RICTOR: variants seen among roughly 807,000 people sequenced by gnomAD.
The protein encoded by RICTOR is rapamycin-insensitive companion of mTOR.
Under a neutral mutation model 214.9 loss-of-function variants are expected in RICTOR, and 49 were observed. That is an observed-to-expected ratio of 0.23 (90% CI 0.18 to 0.29). The LOEUF is 0.29. Among genes scored for constraint, RICTOR ranks in the 10% least tolerant of loss-of-function variants. The pLI is 1.00. For synonymous variants in RICTOR, 717 were observed against 711.3 expected (o/e 1.01, Z -0.13); for missense variants, 1,625 against 2,047.0 (o/e 0.79, Z 3.98).
At chr5:39,049,982 T>A (rs1757737621) in intron 2 of RICTOR, among the ~76,000 whole-genome samples, 1 of 152,110 alleles carries the variant, frequency 6.6e-6, no homozygotes, top group South Asian at 2.1e-4. Flanking sequence ...ACCCAAGGAC[T>A]GACACTTTTC....
chr5:38,944,973 T>C lies in RICTOR; in HGVS notation c.4729A>G (p.Ser1577Gly). 6.2e-7 allele frequency: 1 copy of C among 1,613,970 alleles called. No homozygotes were observed. The highest frequency in any genetic ancestry group is 8.5e-7 in the Non-Finnish European group (1 of 1,179,870). ...GAGCCTTCTTGAGACACCCCATCAC[T>C]GCATCCAGAAATCCCCGAAAACTTA... The part of the protein sequence containing the change: ...PSKFSGISGC[S>G]DGVSQEGSAS... Residue 1577 changes from serine (S) to glycine (G), a missense_variant, in exon 35 of 38, where the codon AGT becomes GGT. By Grantham distance (56) the Ser-to-Gly change is moderately conservative. Coordinates refer to ENST00000357387, the MANE Select transcript of RICTOR (RefSeq NM_152756.5).
chr5:39,056,659 T>TA lies in RICTOR; in HGVS notation c.97+17451dup, dbSNP rs113104496. ...CTCAAAAAAGAAAAGGCAAAACGAT[T>TA]AAAAAAAAAAAATGACAAGTGACAG... On this transcript the variant is annotated intron_variant, in intron 2 of 37. Transcript: ENST00000357387. Among the ~76,000 whole-genome samples, 638 of 143,332 alleles carry TA rather than the reference T, an allele frequency of 4.5e-3. 9 individuals are homozygous for TA. The highest frequency in any genetic ancestry group is 0.015 in the African/African-American group (589 of 39,082). 94.0% of individuals were successfully genotyped at this position (143,332 alleles called of 152,430 possible).
chr5:39,029,030 C>A (rs1756073130), intron 2 of RICTOR, among the ~76,000 whole-genome samples: 1 of 151,966 alleles, frequency 6.6e-6, no homozygotes, highest in Non-Finnish European at 1.5e-5. Flanking sequence ...GTATGCAATG[C>A]AAATATAAGC....
At chr5:38,999,926 TA>T (rs1160704428) in intron 5 of RICTOR, among the ~76,000 whole-genome samples, 1 of 151,870 alleles carries the variant, frequency 6.6e-6, no homozygotes, top group South Asian at 2.1e-4. Flanking sequence ...AAAAGGATGG[TA>T]AAAGGTATAC....
At chr5:39,039,739 G>A (rs1757025956) in intron 2 of RICTOR, among the ~76,000 whole-genome samples, 1 of 152,214 alleles carries the variant, frequency 6.6e-6, no homozygotes. Context: ...CTGGCCATCA[G>A]AGAAATGCAA....
Position 38,960,446 on chromosome 5 carries a change from G to A in RICTOR, c.1803C>T (p.Leu601=). The A allele has an allele frequency of 1.2e-6, 2 of 1,613,900 alleles. No individual in the cohort carries two copies. The highest frequency in any genetic ancestry group is 1.7e-6 in the Non-Finnish European group (2 of 1,179,812). The change falls in exon 20 of 38, where the codon CTC becomes CTT. Residue 601 remains leucine (L), a synonymous_variant. Transcript: ENST00000357387. ...CTGTAAACTGGCAACCTACAACCGT[G>A]AGCTGTTTGGCCTTGGCAAAATCCA... The part of the protein sequence containing the change: ...LDLDFAKAKQ[L]TVVGCQFTEF...
At chr5:38,951,208 T>G (rs1235222112) in intron 30 of RICTOR, among the ~76,000 whole-genome samples, 1 of 151,950 alleles carries the variant, frequency 6.6e-6, no homozygotes, top group African/African-American at 2.4e-5. Flanking sequence ...TAAATTATGT[T>G]TATTTCTCAT....
intron 2 of RICTOR, among the ~76,000 whole-genome samples, chr5:39,071,438 T>G (rs537643873): frequency 6.6e-6 from 1 of 152,348 alleles, no homozygotes; most frequent in South Asian, 2.1e-4. Flanking sequence ...ATGTGAGTTT[T>G]AAAACTGTGA....
intron 10 of RICTOR, 27 bp downstream of exon 10, chr5:38,975,510 G>A (rs764890598): frequency 2.4e-5 from 37 of 1,523,712 alleles, no homozygotes; most frequent in Non-Finnish European, 3.4e-5. Flanking sequence ...CTTCTTGGAT[G>A]TTATAAAGCA....
Position 38,940,795 on chromosome 5 carries a change from T to C in RICTOR, c.*1509A>G, listed in dbSNP as rs1054138493. The C allele has an allele frequency of 1.7e-5, 4 of 232,000 alleles. No homozygotes were observed. Among genetic ancestry groups the C allele is most frequent in the Non-Finnish European group, 2.6e-5 (3 of 117,334 alleles). 14.4% of individuals were successfully genotyped at this position (232,000 alleles called of 1,614,324 possible). ...TTTTTAAAAAAGTATCTCTGTGAGT[T>C]ATGTTTTCTAGTTCACAGGGTTCTT... is the stretch of plus-strand genomic sequence containing the variant. On this transcript the variant is annotated 3_prime_UTR_variant, in exon 38 of 38. Coordinates refer to ENST00000357387, the MANE Select transcript of RICTOR (RefSeq NM_152756.5).
At position 38,940,630 on chromosome 5, in the gene RICTOR, A is replaced by C; in HGVS notation, c.*1674T>G. On this transcript the variant is annotated 3_prime_UTR_variant, in exon 38 of 38. Coordinates refer to ENST00000357387, the MANE Select transcript of RICTOR (RefSeq NM_152756.5). ...CTTTTCAACATAAGCAGCAGCTTAC[A>C]GCCCTTATCTGCTTTGTTATAATGT... 1 of 232,926 alleles carries C rather than the reference A, an allele frequency of 4.3e-6. No homozygotes were observed. The highest frequency in any genetic ancestry group is 8.5e-6 in the Non-Finnish European group (1 of 117,608). 14.4% of individuals were successfully genotyped at this position (232,926 alleles called of 1,614,324 possible).
Position 38,974,198 on chromosome 5 carries a change from C to T in RICTOR, c.889+1339G>A, listed in dbSNP as rs182928836. Reference sequence around the variant, plus strand: ...CCGAGTAGCTGGGATTACAGGTGCCCGCCACCACACCTGGCTAATTTTTGT... The same window carrying T: ...CCGAGTAGCTGGGATTACAGGTGCCTGCCACCACACCTGGCTAATTTTTGT... On this transcript the variant is annotated intron_variant, in intron 10 of 37. Coordinates refer to ENST00000357387, the MANE Select transcript of RICTOR (RefSeq NM_152756.5). Among the ~76,000 whole-genome samples the T allele has an allele frequency of 1.6e-3, 241 of 151,888 alleles. 5 individuals carry two copies. The East Asian group carries it at 0.037, about 23-fold the overall frequency.
At position 38,953,543 on chromosome 5, in the gene RICTOR, G is replaced by A. The variant is rs778981586; in HGVS notation, c.2708C>T (p.Thr903Ile). The A allele has an allele frequency of 6.9e-6, 9 of 1,312,858 alleles. No homozygotes were observed. The African/African-American group carries it at 8.6e-5, about 12-fold the overall frequency. 81.3% of individuals were successfully genotyped at this position (1,312,858 alleles called of 1,614,324 possible). A position where few individuals can be genotyped will look rare whatever the true frequency, so the allele number is the denominator to read the frequency against. ...TGTACGAACATTACGACAGAGTTCTGTAATAATATTCTGGAGAAAGAAAAA... is the reference window on the plus strand; with the variant it reads ...TGTACGAACATTACGACAGAGTTCTATAATAATATTCTGGAGAAAGAAAAA... ...CHLLEVQNII[T>I]ELCRNVRTPD... is the part of the protein sequence containing the mutation. The change falls in exon 28 of 38, where the codon ACA becomes ATA. Residue 903 changes from threonine (T) to isoleucine (I), a missense_variant. Around this residue, in one of 5 missense-constraint regions of RICTOR, gnomAD observed 1,214 missense variants for 1,470.5 expected, o/e 0.83. Transcript: ENST00000357387.
At position 38,950,316 on chromosome 5, in the gene RICTOR, T is replaced by C; in HGVS notation, c.3532A>G (p.Ile1178Val). 1 of 1,613,568 alleles carries C rather than the reference T, an allele frequency of 6.2e-7. No homozygotes were observed. Among genetic ancestry groups the C allele is most frequent in the Non-Finnish European group, 8.5e-7 (1 of 1,179,622 alleles). ...HIEDTGSTPS[I>V]GENDLKFTKN... ...GTGAATTTTAAGTCATTTTCTCCAA[T>C]GCTTGGTGTACTACCAGTGTCTTCA... The change falls in exon 31 of 38, where the codon ATT becomes GTT. Residue 1178 changes from isoleucine to valine, a missense_variant. Physicochemically the swap from Ile to Val is conservative, Grantham distance 29. This residue lies in a region of RICTOR where 1,214 missense variants were observed against 1,470.5 expected (regional missense o/e 0.83). Coordinates refer to ENST00000357387, the MANE Select transcript of RICTOR (RefSeq NM_152756.5).
At chr5:39,062,400 A>C (rs567024756) in intron 2 of RICTOR, among the ~76,000 whole-genome samples, 209 of 152,060 alleles carry the variant, frequency 1.4e-3, no homozygotes, top group Non-Finnish European at 2.3e-3. Context: ...CATTCCCCTC[A>C]GAGTTTTTCA....
Position 38,996,899 on chromosome 5 carries a change from A to G in RICTOR, c.393-17T>C. 1.3e-6 allele frequency: 2 copies of G among 1,570,032 alleles called. No homozygotes were observed. Among genetic ancestry groups the G allele is most frequent in the Non-Finnish European group, 1.8e-6 (2 of 1,141,180 alleles). On this transcript the variant is annotated splice_polypyrimidine_tract_variant and intron_variant, in intron 5 of 37. Transcript: ENST00000357387. ...TCAATGCACCTAAACAATACACAAA[A>G]TATTAATCATTGATAAAATTCTATT... is the stretch of plus-strand genomic sequence containing the variant.
At chr5:39,046,633 C>T (rs1757521783) in intron 2 of RICTOR, among the ~76,000 whole-genome samples, 1 of 152,038 alleles carries the variant, frequency 6.6e-6, no homozygotes, top group South Asian at 2.1e-4. Context: ...CACTACTGAC[C>T]CATGCTAACC....
intron 2 of RICTOR, among the ~76,000 whole-genome samples, chr5:39,029,892 A>G (rs1756137337): frequency 6.6e-6 from 1 of 152,204 alleles, no homozygotes; most frequent in Non-Finnish European, 1.5e-5. Context: ...TTCACAGAGT[A>G]ATCATGTGAA....
intron 27 of RICTOR, among the ~76,000 whole-genome samples, chr5:38,954,062 A>C (rs954808511): frequency 4.0e-5 from 6 of 151,198 alleles, no homozygotes; most frequent in Admixed American, 6.7e-5. Context: ...TCACAGACGT[A>C]ATATAAAAAC....
Sources: gnomAD v4.1 joint callset for allele counts (sites outside exome capture counted in the v4.1 genomes callset) on GRCh38, gnomAD v4.1.1 for gene constraint, gnomAD v4.1.1 regional missense constraint, MANE v1.5 for transcripts, NCBI Gene and HGNC (gene_info 2026-07-23, HGNC 2026-07-21) for gene names.